Variants in FAM124A observed in about 807,000 individuals in gnomAD.
FAM124A encodes the protein protein FAM124A.
In FAM124A, 23 loss-of-function variants were observed where a neutral mutation model predicts 24.5. The ratio of observed to expected loss-of-function variants is 0.94; its 90% CI spans 0.68 to 1.33. FAM124A has a LOEUF of 1.33. Ranked by LOEUF, FAM124A falls within the 40% of genes most tolerant of loss-of-function variation. FAM124A has a pLI of 0.00. For missense variants in FAM124A, 623 were observed against 722.8 expected (o/e 0.86, Z 1.58); for synonymous variants, 287 against 314.7 (o/e 0.91, Z 0.93).
intron 3 of FAM124A, among the ~76,000 whole-genome samples, chr13:51,279,252 A>C (rs1277499228): frequency 6.6e-6 from 1 of 152,106 alleles, no homozygotes; most frequent in Admixed American, 6.5e-5. Flanking sequence ...TCAAATGATT[A>C]AGAAAATTGG....
chr13:51,279,100 C>T (rs1230795576), intron 3 of FAM124A, among the ~76,000 whole-genome samples: 1 of 152,134 alleles, frequency 6.6e-6, no homozygotes, highest in African/African-American at 2.4e-5. Flanking sequence ...AAGGAATTGG[C>T]CTTTGGAAAA....
intron 3 of FAM124A, among the ~76,000 whole-genome samples, chr13:51,263,725 G>T (rs991785516): frequency 1.3e-5 from 2 of 152,094 alleles, no homozygotes; most frequent in African/African-American, 4.8e-5. Context: ...TATTTATTCA[G>T]TACTTCTCAG....
chr13:51,251,382 C>T lies in FAM124A; in HGVS notation c.101-86C>T. The T allele has an allele frequency of 7.2e-7, 1 of 1,391,304 alleles. No homozygotes were observed. Among genetic ancestry groups the T allele is most frequent in the Non-Finnish European group, 9.4e-7 (1 of 1,064,616 alleles). 86.2% of individuals were successfully genotyped at this position (1,391,304 alleles called of 1,614,324 possible). Reference sequence around the variant, plus strand: ...GTTAGAATTTGACTTCTCTTCCTGTCAAGCCTGTACACGTCATCACTGGAC... The same window carrying T: ...GTTAGAATTTGACTTCTCTTCCTGTTAAGCCTGTACACGTCATCACTGGAC... On this transcript the variant is annotated intron_variant, in intron 2 of 3. Transcript: ENST00000322475. This position sits in a 1 kb window ranked among gnomAD's most constrained non-coding sequence, Gnocchi z 5.3.
Position 51,222,466 on chromosome 13 carries a change from G to C in FAM124A, c.-36G>C. The stretch of plus-strand genomic sequence containing the variant: ...GAGGGAGGGCGCCCCGGGTCACGAC[G>C]GCGCCCGCAAGCCGAGCGCGGCCGG... On this transcript the variant is annotated 5_prime_UTR_variant, in exon 1 of 4. Transcript: ENST00000322475. The C allele has an allele frequency of 8.3e-7, 1 of 1,203,224 alleles. No homozygotes were observed. Among genetic ancestry groups the C allele is most frequent in the Non-Finnish European group, 1.0e-6 (1 of 970,512 alleles). 74.5% of individuals were successfully genotyped at this position (1,203,224 alleles called of 1,614,324 possible).
At position 51,272,331 on chromosome 13, in the gene FAM124A, T is replaced by A. The variant is rs1954846706; in HGVS notation, c.835-8119T>A. Among the ~76,000 whole-genome samples the A allele has an allele frequency of 6.6e-6, 1 of 152,142 alleles. No individual in the cohort carries two copies. Among genetic ancestry groups the A allele is most frequent in the Non-Finnish European group, 1.5e-5 (1 of 68,028 alleles). ...CCCTCCTGCCCGCACTGATTGTCTC[T>A]TGTCTTTATCATTCTGAGACACTGA... On this transcript the variant is annotated intron_variant, in intron 3 of 3. Transcript: ENST00000322475. This position sits in a 1 kb window ranked among gnomAD's most constrained non-coding sequence, Gnocchi z 4.2.
chr13:51,280,412 C>A, intron 3 of FAM124A, 38 bp from the exon 4 acceptor site: 1 of 1,509,158 alleles, frequency 6.6e-7, no homozygotes, highest in Non-Finnish European at 8.9e-7. Context: ...TTAACAATTC[C>A]CATCCTGCAC....
In FAM124A at chr13:51,281,018, T is replaced by A; in HGVS notation, c.1403T>A (p.Val468Asp). Residue 468 changes from valine to aspartate, a missense_variant, in exon 4 of 4, where the codon GTC (valine) becomes GAC (aspartate). Physicochemically the swap from Val to Asp is radical, Grantham distance 152 (BLOSUM62 -3). Coordinates refer to ENST00000322475, the MANE Select transcript of FAM124A (RefSeq NM_001242312.2). ...TCCAGGGAGGGACCACTGCCCACTG[T>A]CAGCAGGGTGACCACAGAGGCCTCC... ...KDSREGPLPT[V>D]SRVTTEASWA... 1.9e-6 allele frequency: 3 copies of A among 1,614,092 alleles called. No homozygotes were observed. Among genetic ancestry groups the A allele is most frequent in the Non-Finnish European group, 2.5e-6 (3 of 1,179,994 alleles).
intron 2 of FAM124A, among the ~76,000 whole-genome samples, chr13:51,243,683 G>A (rs527874199): frequency 6.6e-6 from 1 of 152,062 alleles, no homozygotes; most frequent in Non-Finnish European, 1.5e-5. Context: ...ACAGGCGCCC[G>A]CCACCACACC....
At chr13:51,262,009 A>G (rs1437692846) in intron 3 of FAM124A, among the ~76,000 whole-genome samples, 1 of 152,242 alleles carries the variant, frequency 6.6e-6, no homozygotes, top group Non-Finnish European at 1.5e-5. Flanking sequence ...ATGGCTCATG[A>G]GAGCCACGGC....
rs1485225197 is a variant in FAM124A at position 51,251,160 on chromosome 13, T to C, written c.101-308T>C. ...TAGACTTGACTTTCTATTTGTCTGA[T>C]ACGTAAATATAAAGTCAAATGTTCC... is the stretch of plus-strand genomic sequence containing the variant. On this transcript the variant is annotated intron_variant, in intron 2 of 3. Coordinates refer to ENST00000322475, the MANE Select transcript of FAM124A (RefSeq NM_001242312.2). This position sits in a 1 kb window ranked among gnomAD's most constrained non-coding sequence, Gnocchi z 5.3. 1.3e-5 allele frequency among the ~76,000 whole-genome samples: 2 copies of C among 152,208 alleles called. No homozygotes were observed. Among genetic ancestry groups the C allele is most frequent in the African/African-American group, 4.8e-5 (2 of 41,462 alleles).
At chr13:51,238,952 C>G (rs190943343) in intron 2 of FAM124A, among the ~76,000 whole-genome samples, 24 of 152,260 alleles carry the variant, frequency 1.6e-4, no homozygotes, top group Admixed American at 6.5e-4. Context: ...TGGTGTAGTC[C>G]TTCTGGTTTC....
chr13:51,236,081 A>C (rs1022362617), intron 2 of FAM124A, among the ~76,000 whole-genome samples: 1 of 151,298 alleles, frequency 6.6e-6, no homozygotes, highest in African/African-American at 2.4e-5. Flanking sequence ...CATCCTCCCT[A>C]CTGCTTTCCT....
Position 51,251,536 on chromosome 13 carries a change from G to A in FAM124A, c.169G>A (p.Glu57Lys). 1 of 1,520,348 alleles carries A rather than the reference G, an allele frequency of 6.6e-7. No individual in the cohort carries two copies. The highest frequency in any genetic ancestry group is 8.8e-7 in the Non-Finnish European group (1 of 1,133,270). The allele number at this position is 1,520,348 out of a possible 1,614,324, so 94.2% of individuals were successfully genotyped here. A position where few individuals can be genotyped will look rare whatever the true frequency, so the allele number is the denominator to read the frequency against. ...VSIHIIADPGESQPLQEAIDN... is the reference protein window; with the variant it reads ...VSIHIIADPGKSQPLQEAIDN... ...CATCCACATAATCGCAGACCCAGGG[G>A]AGTCCCAGCCCCTGCAGGAGGCCAT... Residue 57 changes from glutamate to lysine, a missense_variant, in exon 3 of 4, where the codon GAG (glutamate) becomes AAG (lysine). Glu to Lys is a moderately conservative substitution (Grantham distance 56). Transcript: ENST00000322475. This position sits in a 1 kb window ranked among gnomAD's most constrained non-coding sequence, Gnocchi z 5.3.
chr13:51,277,783 A>C (rs984655461), intron 3 of FAM124A, among the ~76,000 whole-genome samples: 3 of 103,842 alleles, frequency 2.9e-5, no homozygotes, highest in Non-Finnish European at 5.3e-5. Flanking sequence ...ACAGAGCGAG[A>C]CTCTGTCTCA....
chr13:51,255,742 A>G (rs1020959786), intron 3 of FAM124A, among the ~76,000 whole-genome samples: 1 of 143,812 alleles, frequency 7.0e-6, no homozygotes, highest in African/African-American at 2.6e-5. Flanking sequence ...GAGGCCAGGT[A>G]TGCCCAGCCA....
intron 3 of FAM124A, chr13:51,252,956 G>A (rs1184438410): frequency 6.6e-6 from 1 of 152,216 alleles, no homozygotes; most frequent in Non-Finnish European, 1.5e-5. Context: ...ACTCATTAGA[G>A]ATAATTAGTT....
chr13:51,277,423 G>C (rs753566232), intron 3 of FAM124A, among the ~76,000 whole-genome samples: 1 of 152,172 alleles, frequency 6.6e-6, no homozygotes, highest in Non-Finnish European at 1.5e-5. Flanking sequence ...TAAAAGCCCA[G>C]ACCTCATCAC....
chr13:51,281,482 T>A lies in FAM124A; in HGVS notation c.*226T>A, dbSNP rs1954939260. On this transcript the variant is annotated 3_prime_UTR_variant, in exon 4 of 4. Transcript: ENST00000322475. Reference sequence around the variant, plus strand: ...AAATAAATTCTCAACAAACTTGTCATAAAATATATTTTTTGAATATTCAGC... The same window carrying A: ...AAATAAATTCTCAACAAACTTGTCAAAAAATATATTTTTTGAATATTCAGC... 6.7e-6 allele frequency: 3 copies of A among 450,436 alleles called. No individual in the cohort carries two copies. The Admixed American group carries it at 1.2e-4, about 18-fold the overall frequency. The allele number at this position is 450,436 out of a possible 1,614,324, so 27.9% of individuals were successfully genotyped here. A position where few individuals can be genotyped will look rare whatever the true frequency, so the allele number is the denominator to read the frequency against.
At position 51,251,486 on chromosome 13, in the gene FAM124A, A is replaced by C. The variant is rs754636550; in HGVS notation, c.119A>C (p.Glu40Ala). 1.1e-5 allele frequency: 16 copies of C among 1,500,650 alleles called. No homozygotes were observed. In the Admixed American group the frequency reaches 1.6e-4, roughly 15 times the overall value. 93.0% of individuals were successfully genotyped at this position (1,500,650 alleles called of 1,614,324 possible). ...SSTSSELSVE[E>A]AQDPFLVSIH... ...CCCCCAGGTGAGCTTTCCGTTGAAGAGGCGCAGGACCCTTTCCTGGTCAGC... is the reference window on the plus strand; with the variant it reads ...CCCCCAGGTGAGCTTTCCGTTGAAGCGGCGCAGGACCCTTTCCTGGTCAGC... Residue 40 changes from glutamate (E) to alanine (A), a missense_variant, in exon 3 of 4, where the codon GAG becomes GCG. Coordinates refer to ENST00000322475, the MANE Select transcript of FAM124A (RefSeq NM_001242312.2). This position sits in a 1 kb window ranked among gnomAD's most constrained non-coding sequence, Gnocchi z 5.3.
Sources: allele counts gnomAD v4.1 joint callset (sites outside exome capture counted in the v4.1 genomes callset), GRCh38; gene constraint gnomAD v4.1.1; non-coding constraint Gnocchi (gnomAD v3.1); transcripts MANE v1.5; gene names NCBI Gene and HGNC (gene_info 2026-07-23, HGNC 2026-07-21).